The following CSNK1G1 variants were observed in gnomAD, a reference collection of about 807,000 sequenced individuals.
CSNK1G1 encodes casein kinase I isoform gamma-1.
A neutral mutation model predicts 59.6 loss-of-function variants in CSNK1G1; 22 were observed. The ratio of observed to expected loss-of-function variants is 0.37; its 90% CI spans 0.26 to 0.53. The LOEUF (loss-of-function observed/expected upper bound fraction) is 0.53, where lower values mean the gene tolerates loss of function less well. Ranked by LOEUF, CSNK1G1 falls within the 20% of genes least tolerant of loss-of-function variation. CSNK1G1 has a pLI of 0.89. For synonymous variants in CSNK1G1, 179 were observed against 177.1 expected, an observed-to-expected ratio of 1.01 and a Z score of -0.08; for missense variants, 384 against 519.5, an observed-to-expected ratio of 0.74 and a Z score of 2.54.
intron 6 of CSNK1G1, among the ~76,000 whole-genome samples, chr15:64,208,341 T>C (rs2082209334): frequency 6.6e-6 from 1 of 151,858 alleles, no homozygotes; most frequent in African/African-American, 2.4e-5. Flanking sequence ...CAAAACAAAA[T>C]AAAACAAAAA....
chr15:64,274,785 G>T (rs1893514990), intron 2 of CSNK1G1, among the ~76,000 whole-genome samples: 1 of 152,116 alleles, frequency 6.6e-6, no homozygotes, highest in Non-Finnish European at 1.5e-5. Flanking sequence ...AGAACTAGGA[G>T]TTCTCAGTTC....
chr15:64,277,747 ATTT>A (rs1893778026), intron 2 of CSNK1G1, among the ~76,000 whole-genome samples: 1 of 68,816 alleles, frequency 1.5e-5, no homozygotes, highest in Non-Finnish European at 2.8e-5. Context: ...ATATTGATAT[ATTT>A]AATAATATAG....
chr15:64,234,618 A>G (rs12101870), intron 4 of CSNK1G1, among the ~76,000 whole-genome samples: 32,430 of 152,156 alleles, frequency 0.21, 5,090 homozygotes, highest in African/African-American at 0.45. Flanking sequence ...TCCCTACTTT[A>G]ACAATCTCAA....
chr15:64,277,393 A>C (rs909179755), intron 2 of CSNK1G1, among the ~76,000 whole-genome samples: 6 of 151,860 alleles, frequency 4.0e-5, no homozygotes, highest in African/African-American at 1.5e-4. Context: ...TGAGTCCAGG[A>C]GTTCAAGGTT....
Position 64,303,803 on chromosome 15 carries a change from A to G in CSNK1G1, c.-224-3080T>C, listed in dbSNP as rs373779967. Reference sequence around the variant, plus strand: ...CATGGTGGCGCACACCTGTGGTCCCAGTGACTTGGGGAGGCTGAAGTTGGA... The same window carrying G: ...CATGGTGGCGCACACCTGTGGTCCCGGTGACTTGGGGAGGCTGAAGTTGGA... On this transcript the variant is annotated intron_variant, in intron 1 of 11. Transcript: ENST00000303052. Among the ~76,000 whole-genome samples, 107 of 151,024 alleles carry G rather than the reference A, an allele frequency of 7.1e-4. 2 individuals are homozygous for G. In the South Asian group the frequency reaches 0.021, roughly 30 times the overall value.
intron 1 of CSNK1G1, chr15:64,315,556 T>A (rs544325688): frequency 1.3e-5 from 2 of 152,338 alleles, no homozygotes; most frequent in South Asian, 2.1e-4. Flanking sequence ...AGGCAATTAT[T>A]CCTTTTCAAA....
chr15:64,234,241 C>T (rs2082586305), intron 4 of CSNK1G1, among the ~76,000 whole-genome samples: 1 of 152,004 alleles, frequency 6.6e-6, no homozygotes, highest in Non-Finnish European at 1.5e-5. Flanking sequence ...GGGATTGCAA[C>T]TTTTTGTTTT....
chr15:64,205,407 AAACAATAACTGAAAAATGTCTTTC>A (rs1323167010), intron 7 of CSNK1G1, among the ~76,000 whole-genome samples: 1 of 152,246 alleles, frequency 6.6e-6, no homozygotes, highest in Non-Finnish European at 1.5e-5. Context: ...AACAGAAAAA[AAACAATAACTGAAAAATGTCTTTC>A]AACAATGTGC....
intron 3 of CSNK1G1, among the ~76,000 whole-genome samples, chr15:64,254,593 C>T (rs747823173): frequency 3.3e-5 from 5 of 152,130 alleles, no homozygotes; most frequent in Non-Finnish European, 5.9e-5. Context: ...CTCAGGTGAT[C>T]CGCCTGCCTT....
rs1898418722 is a variant in CSNK1G1 at position 64,353,285 on chromosome 15, T to C, written c.-225+2703A>G. 2.0e-5 allele frequency among the ~76,000 whole-genome samples: 3 copies of C among 152,190 alleles called. No homozygotes were observed. The South Asian group carries it at 6.2e-4, about 32-fold the overall frequency. ...AGTCACCTCAAAAAGCAAACTACGT[T>C]AGCTGAAAATCTGACATATAATAGG... is the stretch of plus-strand genomic sequence containing the variant. On this transcript the variant is annotated intron_variant, in intron 1 of 11. Coordinates refer to ENST00000303052, the MANE Select transcript of CSNK1G1 (RefSeq NM_022048.5).
intron 4 of CSNK1G1, among the ~76,000 whole-genome samples, chr15:64,227,862 C>G (rs1293247838): frequency 6.6e-6 from 1 of 152,214 alleles, no homozygotes; most frequent in Admixed American, 6.5e-5. Flanking sequence ...CTACACTAAG[C>G]TGCCTACATT....
chr15:64,290,971 C>G (rs769966424), intron 2 of CSNK1G1, among the ~76,000 whole-genome samples: 29 of 152,254 alleles, frequency 1.9e-4, no homozygotes, highest in Admixed American at 5.2e-4. Flanking sequence ...GCTTTGGCCT[C>G]CCAAAGTGCT....
chr15:64,304,513 T>C (rs1895559808), intron 1 of CSNK1G1, among the ~76,000 whole-genome samples: 1 of 152,064 alleles, frequency 6.6e-6, no homozygotes, highest in African/African-American at 2.4e-5. Context: ...TTTATCACTC[T>C]CAATTACAAC....
intron 1 of CSNK1G1, among the ~76,000 whole-genome samples, chr15:64,311,003 C>A (rs1259458401): frequency 4.0e-5 from 5 of 125,516 alleles, no homozygotes; most frequent in Non-Finnish European, 5.1e-5. Context: ...GACTCCATCT[C>A]AAAAAAAAAA....
chr15:64,243,998 G>A (rs745681413), intron 4 of CSNK1G1, among the ~76,000 whole-genome samples: 14 of 151,672 alleles, frequency 9.2e-5, no homozygotes, highest in South Asian at 2.1e-4. Flanking sequence ...GTGAAACCCC[G>A]TCTCTACTAA....
At chr15:64,245,992 C>T (rs1490574970) in intron 4 of CSNK1G1, among the ~76,000 whole-genome samples, 3 of 152,042 alleles carry the variant, frequency 2.0e-5, no homozygotes, top group Admixed American at 2.0e-4. Context: ...TACAAACATA[C>T]AGTTAGAAGC....
intron 1 of CSNK1G1, among the ~76,000 whole-genome samples, chr15:64,349,633 T>C (rs1202294617): frequency 1.3e-5 from 2 of 152,178 alleles, no homozygotes; most frequent in Non-Finnish European, 2.9e-5. Flanking sequence ...GCTCTCTCTT[T>C]AGGCCATTTC....
rs1297749311 is a variant in CSNK1G1 at position 64,188,944 on chromosome 15, G to C, written c.1108-8490C>G. Among the ~76,000 whole-genome samples the C allele has an allele frequency of 6.6e-6, 1 of 152,120 alleles. No homozygotes were observed. Among genetic ancestry groups the C allele is most frequent in the East Asian group, 1.9e-4 (1 of 5,186 alleles). On this transcript the variant is annotated intron_variant, in intron 10 of 11. Coordinates refer to ENST00000303052, the MANE Select transcript of CSNK1G1 (RefSeq NM_022048.5). This position sits in a 1 kb window ranked among gnomAD's most constrained non-coding sequence, Gnocchi z 4.2. ...AGTTCGAGACCAGCCTGACCAACATGGTGAAAGCCTGTCTCTACTAAAATT... is the reference window on the plus strand; with the variant it reads ...AGTTCGAGACCAGCCTGACCAACATCGTGAAAGCCTGTCTCTACTAAAATT...
rs1332328786 is a variant in CSNK1G1, at chr15:64,169,751, TTA to T, written c.*2178_*2179del. On this transcript the variant is annotated 3_prime_UTR_variant, in exon 12 of 12. Coordinates refer to ENST00000303052, the MANE Select transcript of CSNK1G1 (RefSeq NM_022048.5). ...TGTGATATTGTATCTCCCTGCCACTTTATGTTTCATATATAGAAACATTTATA... is the reference window on the plus strand; with the variant it reads ...TGTGATATTGTATCTCCCTGCCACTTTGTTTCATATATAGAAACATTTATA... The T allele has an allele frequency of 1.3e-5, 2 of 152,330 alleles. No individual in the cohort carries two copies. Among genetic ancestry groups the T allele is most frequent in the Middle Eastern group, 3.4e-3 (1 of 294 alleles). The allele number at this position is 152,330 out of a possible 1,614,324, so 9.4% of individuals were successfully genotyped here.
Sources: gnomAD v4.1 joint callset for allele counts (sites outside exome capture counted in the v4.1 genomes callset) on GRCh38, gnomAD v4.1.1 for gene constraint, Gnocchi (gnomAD v3.1) non-coding constraint, MANE v1.5 for transcripts, NCBI Gene and HGNC (gene_info 2026-07-23, HGNC 2026-07-21) for gene names.